CRYBB1: variants seen among roughly 807,000 people sequenced by gnomAD.
CRYBB1 encodes the protein beta-crystallin B1.
Under a neutral mutation model 29.5 loss-of-function variants are expected in CRYBB1, and 16 were observed. The ratio of observed to expected loss-of-function variants is 0.54; its 90% CI spans 0.37 to 0.82. The LOEUF is 0.82. Among genes scored for constraint, CRYBB1 ranks in the 40% least tolerant of loss-of-function variants. The pLI is 0.00. For missense variants in CRYBB1, 300 were observed against 350.5 expected, an observed-to-expected ratio of 0.86 and a Z score of 1.15; for synonymous variants, 127 against 136.7, an observed-to-expected ratio of 0.93 and a Z score of 0.49.
intron 4 of CRYBB1, among the ~76,000 whole-genome samples, chr22:26,605,793 G>A (rs1257370068): frequency 1.3e-5 from 2 of 148,836 alleles, no homozygotes; most frequent in Admixed American, 6.8e-5. Flanking sequence ...AACTTCCCAC[G>A]ACAGGGGGCT....
At chr22:26,608,612 C>T (rs1373537348) in intron 3 of CRYBB1, among the ~76,000 whole-genome samples, 1 of 151,970 alleles carries the variant, frequency 6.6e-6, no homozygotes, top group Non-Finnish European at 1.5e-5. Context: ...TACTAGCCTT[C>T]CATTTGTAAA....
chr22:26,605,671 C>CA (rs771110435), intron 4 of CRYBB1, among the ~76,000 whole-genome samples: 11,954 of 53,550 alleles, frequency 0.22, 1,357 homozygotes, highest in East Asian at 0.38. Flanking sequence ...AGATGTGTCT[C>CA]AAAAAAAAAA....
intron 4 of CRYBB1, among the ~76,000 whole-genome samples, chr22:26,603,558 C>T (rs980708609): frequency 6.6e-6 from 1 of 151,440 alleles, no homozygotes; most frequent in Non-Finnish European, 1.5e-5. Flanking sequence ...AATGGGGTTA[C>T]TATTGCTTCG....
At chr22:26,605,500 C>T (rs534899864) in intron 4 of CRYBB1, among the ~76,000 whole-genome samples, 1 of 151,874 alleles carries the variant, frequency 6.6e-6, no homozygotes, top group East Asian at 1.9e-4. Context: ...ATGATGAAAC[C>T]CTGTCTCTAT....
chr22:26,602,182 G>A (rs1306352270), intron 4 of CRYBB1, among the ~76,000 whole-genome samples, 161 bp from the exon 5 acceptor site: 2 of 152,142 alleles, frequency 1.3e-5, no homozygotes, highest in Non-Finnish European at 2.9e-5. Flanking sequence ...GGAGACATAA[G>A]GAAAATGGGA....
In CRYBB1 at chr22:26,602,033, G is replaced by C. The variant is rs761001282; in HGVS notation, c.433-12C>G. The C allele has an allele frequency of 6.2e-7, 1 of 1,613,318 alleles. No homozygotes were observed. Among genetic ancestry groups the C allele is most frequent in the Admixed American group, 1.7e-5 (1 of 60,004 alleles). ...TGCTCCTGGGCATCCTGGGGAAAGA[G>C]AGGCCGGGTCAGGTGTGTGAAGTAC... On this transcript the variant is annotated splice_polypyrimidine_tract_variant and intron_variant, in intron 4 of 5. Coordinates refer to ENST00000647684, the MANE Select transcript of CRYBB1 (RefSeq NM_001887.4).
chr22:26,601,241 G>A (rs1199410788), intron 5 of CRYBB1, among the ~76,000 whole-genome samples: 1 of 152,120 alleles, frequency 6.6e-6, no homozygotes, highest in East Asian at 1.9e-4. Context: ...GCAGGGGGAT[G>A]GATAAAGTGA....
intron 3 of CRYBB1, 100 bp downstream of exon 3, chr22:26,611,972 C>T (rs1301134826): frequency 7.0e-6 from 6 of 859,728 alleles, no homozygotes; most frequent in South Asian, 1.3e-5. Context: ...GGAGTACGAA[C>T]GGCCGCAGGC....
intron 2 of CRYBB1, among the ~76,000 whole-genome samples, chr22:26,615,903 G>A (rs1298722659): frequency 2.0e-5 from 3 of 152,146 alleles, no homozygotes; most frequent in African/African-American, 7.2e-5. Context: ...GGAGGAGGGA[G>A]GAGGAGGCCA....
chr22:26,605,544 C>CACACCTAT (rs1034787334), intron 4 of CRYBB1, among the ~76,000 whole-genome samples: 5 of 151,874 alleles, frequency 3.3e-5, no homozygotes, highest in African/African-American at 1.2e-4. Flanking sequence ...CGTGGCGGTG[C>CACACCTAT]ACACCTATAA....
At chr22:26,611,535 C>T (rs5761633) in intron 3 of CRYBB1, among the ~76,000 whole-genome samples, 21,232 of 148,824 alleles carry the variant, frequency 0.14, 1,660 homozygotes, top group East Asian at 0.29. Context: ...ACTGCAGTGG[C>T]GCAATCTCGG....
In CRYBB1 at chr22:26,607,932, C is replaced by G. The variant is rs748354975; in HGVS notation, c.389G>C (p.Ser130Thr). ...GGACATGAGCCGATCACTGCGGTAGCTGCTCGACCATGTGTTCCAGCGAGG... is the reference window on the plus strand; with the variant it reads ...GGACATGAGCCGATCACTGCGGTAGGTGCTCGACCATGTGTTCCAGCGAGG... ...EYPRWNTWSS[S>T]YRSDRLMSFR... The change falls in exon 4 of 6, where the codon AGC becomes ACC. Residue 130 changes from serine (S) to threonine (T), a missense_variant. Ser to Thr is a moderately conservative substitution (Grantham distance 58, BLOSUM62 1). Coordinates refer to ENST00000647684, the MANE Select transcript of CRYBB1 (RefSeq NM_001887.4). 1.9e-6 allele frequency: 3 copies of G among 1,614,236 alleles called. No homozygotes were observed. Among genetic ancestry groups the G allele is most frequent in the Middle Eastern group, 1.6e-4 (1 of 6,062 alleles).
intron 1 of CRYBB1, among the ~76,000 whole-genome samples, chr22:26,617,760 C>T (rs890266414): frequency 6.6e-6 from 1 of 151,938 alleles, no homozygotes; most frequent in African/African-American, 2.4e-5. Context: ...TCTATCTGTC[C>T]TTTTTAATTA....
Position 26,609,500 on chromosome 22 carries a change from G to A in CRYBB1, c.300-1479C>T, listed in dbSNP as rs182755338. On this transcript the variant is annotated intron_variant, in intron 3 of 5. Transcript: ENST00000647684. ...TGCATGGATAAAGGGATGGATGAAGGGATGGTTGAATTGATGGATAGCTAG... is the reference window on the plus strand; with the variant it reads ...TGCATGGATAAAGGGATGGATGAAGAGATGGTTGAATTGATGGATAGCTAG... Among the ~76,000 whole-genome samples, 204 of 152,176 alleles carry A rather than the reference G, an allele frequency of 1.3e-3. 1 individual carries two copies. Among genetic ancestry groups the A allele is most frequent in the Admixed American group, 1.4e-3 (22 of 15,284 alleles).
At chr22:26,606,436 AG>A (rs1251067359) in intron 4 of CRYBB1, among the ~76,000 whole-genome samples, 1 of 152,354 alleles carries the variant, frequency 6.6e-6, no homozygotes, top group African/African-American at 2.4e-5. Flanking sequence ...ATCTCCATTT[AG>A]CCAAAATTCA....
chr22:26,605,517 T>A (rs1928946354), intron 4 of CRYBB1, among the ~76,000 whole-genome samples: 1 of 151,680 alleles, frequency 6.6e-6, no homozygotes, highest in Non-Finnish European at 1.5e-5. Context: ...CTATAAAAAA[T>A]ACAAAAATTA....
intron 4 of CRYBB1, among the ~76,000 whole-genome samples, chr22:26,604,344 C>T (rs1928911478): frequency 6.6e-6 from 1 of 152,146 alleles, no homozygotes; most frequent in South Asian, 2.1e-4. Context: ...GTAATATACC[C>T]AGTACGTAGT....
chr22:26,608,847 T>C (rs1929067511), intron 3 of CRYBB1, among the ~76,000 whole-genome samples: 2 of 152,204 alleles, frequency 1.3e-5, no homozygotes, highest in Non-Finnish European at 2.9e-5. Flanking sequence ...TACCCTCAGA[T>C]ACCTATGGTA....
intron 2 of CRYBB1, among the ~76,000 whole-genome samples, chr22:26,615,712 C>T (rs1191769345): frequency 2.0e-5 from 3 of 152,126 alleles, no homozygotes; most frequent in Admixed American, 2.0e-4. Context: ...CAGGGTTTCA[C>T]CATGTTGGCC....
Sources: allele counts gnomAD v4.1 joint callset (sites outside exome capture counted in the v4.1 genomes callset), GRCh38; gene constraint gnomAD v4.1.1; transcripts MANE v1.5; gene names NCBI Gene and HGNC (gene_info 2026-07-23, HGNC 2026-07-21).